The following NT5DC1 variants were observed in gnomAD, a reference collection of about 807,000 sequenced individuals.
NT5DC1 encodes 5'-nucleotidase domain containing 1.
Under a neutral mutation model 59.4 loss-of-function variants are expected in NT5DC1, and 42 were observed. That is an observed-to-expected ratio of 0.71 (90% CI 0.55 to 0.92). NT5DC1 has a LOEUF of 0.92. Ranked by LOEUF, NT5DC1 falls within the 40% of genes least tolerant of loss-of-function variation. The pLI, the probability that NT5DC1 is intolerant of heterozygous loss-of-function variation, is 0.00. For synonymous variants in NT5DC1, 172 were observed against 188.1 expected, an observed-to-expected ratio of 0.91 and a Z score of 0.70; for missense variants, 501 against 537.1, an observed-to-expected ratio of 0.93 and a Z score of 0.66.
chr6:116,200,662 A>T (rs1266347475), intron 6 of NT5DC1, among the ~76,000 whole-genome samples: 1 of 152,020 alleles, frequency 6.6e-6, no homozygotes, highest in African/African-American at 2.4e-5. Context: ...CTTAGTTTTA[A>T]AAGTCTATTC....
intron 6 of NT5DC1, among the ~76,000 whole-genome samples, chr6:116,158,199 G>C (rs1780245986): frequency 6.6e-6 from 1 of 151,952 alleles, no homozygotes; most frequent in East Asian, 1.9e-4. Flanking sequence ...TGTCATTGTT[G>C]GGAGATGTTT....
chr6:116,138,489 T>C (rs532288399), intron 6 of NT5DC1, among the ~76,000 whole-genome samples: 4 of 152,292 alleles, frequency 2.6e-5, no homozygotes, highest in Admixed American at 6.5e-5. Context: ...GAAAGAGCTA[T>C]GTTGTTTCAG....
chr6:116,179,467 T>C (rs939308115), intron 6 of NT5DC1, among the ~76,000 whole-genome samples: 1 of 151,986 alleles, frequency 6.6e-6, no homozygotes, highest in African/African-American at 2.4e-5. Flanking sequence ...TATCAAAAAG[T>C]AGGCTAAGAA....
intron 3 of NT5DC1, among the ~76,000 whole-genome samples, chr6:116,108,846 C>T (rs1778812995): frequency 6.6e-6 from 1 of 151,886 alleles, no homozygotes; most frequent in African/African-American, 2.4e-5. Flanking sequence ...CTATACCCAC[C>T]ACCCTCTCTT....
chr6:116,101,093 G>C (rs1778637058), intron 1 of NT5DC1, 70 bp downstream of exon 1: 4 of 1,190,686 alleles, frequency 3.4e-6, no homozygotes, highest in Non-Finnish European at 2.4e-6. Context: ...GTTTCCTCCA[G>C]GTTTGGGCAA....
chr6:116,125,497 T>G (rs1250939683), intron 6 of NT5DC1: 1 of 1,613,506 alleles, frequency 6.2e-7, no homozygotes, highest in South Asian at 1.1e-5. Context: ...CAGCATATTC[T>G]CAGATGGATT....
rs62414119 is a variant in NT5DC1 at position 116,102,289 on chromosome 6, C to T, written c.93+1266C>T. On this transcript the variant is annotated intron_variant, in intron 1 of 11. Coordinates refer to ENST00000319550, the MANE Select transcript of NT5DC1 (RefSeq NM_152729.3). ...AAAAAGAGTGGCTGCCCGAATTTCT[C>T]GTGTGTTTTCTATGCCCAGATGCTA... Among the ~76,000 whole-genome samples the T allele has an allele frequency of 6.9e-3, 1,053 of 152,322 alleles. 8 individuals are homozygous for T. Among genetic ancestry groups the T allele is most frequent in the Admixed American group, 0.01 (159 of 15,300 alleles).
At chr6:116,121,752 G>T in intron 6 of NT5DC1, 1 of 1,613,828 alleles carries the variant, frequency 6.2e-7, no homozygotes, top group Non-Finnish European at 8.5e-7. Context: ...GGTCCATATG[G>T]TCCTCTCTCT....
In NT5DC1 at chr6:116,117,663, AAAAC is replaced by A. The variant is rs552821756; in HGVS notation, c.445-195_445-192del. On this transcript the variant is annotated intron_variant, in intron 5 of 11. Coordinates refer to ENST00000319550, the MANE Select transcript of NT5DC1 (RefSeq NM_152729.3). The stretch of plus-strand genomic sequence containing the variant: ...TTATTGAATACTGTACTGAAAGTGA[AAAAC>A]AATTGTTGTATGGGTACTTGAAGTT... 3.0e-3 allele frequency among the ~76,000 whole-genome samples: 458 copies of A among 152,332 alleles called. 2 individuals are homozygous for A. The highest frequency in any genetic ancestry group is 0.01 in the African/African-American group (432 of 41,570).
chr6:116,229,723 A>G (rs1348650163), intron 8 of NT5DC1, among the ~76,000 whole-genome samples: 5 of 152,180 alleles, frequency 3.3e-5, no homozygotes, highest in African/African-American at 4.8e-5. Context: ...CAGTGTCGCC[A>G]ATGCTGCTAG....
intron 6 of NT5DC1, among the ~76,000 whole-genome samples, chr6:116,178,110 C>CGTGTGT (rs368898636): frequency 3.4e-5 from 4 of 117,446 alleles, no homozygotes; most frequent in African/African-American, 1.3e-4. Context: ...CGCGTGCGTG[C>CGTGTGT]GTGTGTGTGT....
intron 6 of NT5DC1, among the ~76,000 whole-genome samples, chr6:116,157,436 A>T (rs186028813): frequency 2.9e-4 from 44 of 152,336 alleles, no homozygotes; most frequent in African/African-American, 9.6e-4. Flanking sequence ...GACAGGTTCA[A>T]AGAGTTGAAA....
At chr6:116,226,958 CA>C (rs1266835840) in intron 8 of NT5DC1, among the ~76,000 whole-genome samples, 3 of 152,050 alleles carry the variant, frequency 2.0e-5, no homozygotes, top group African/African-American at 7.2e-5. Context: ...TATTACCTCA[CA>C]TTATCATTTT....
intron 6 of NT5DC1, among the ~76,000 whole-genome samples, chr6:116,210,123 G>T (rs907638132): frequency 6.6e-6 from 1 of 151,940 alleles, no homozygotes; most frequent in African/African-American, 2.4e-5. Flanking sequence ...TAATTAGAAT[G>T]CATATTGATG....
chr6:116,140,967 A>T (rs997274642), intron 6 of NT5DC1, among the ~76,000 whole-genome samples: 1 of 152,160 alleles, frequency 6.6e-6, no homozygotes, highest in Non-Finnish European at 1.5e-5. Flanking sequence ...TCTTTCTAGG[A>T]AGTATACCTA....
intron 6 of NT5DC1, among the ~76,000 whole-genome samples, chr6:116,153,172 A>C (rs1023558952): frequency 1.3e-5 from 2 of 151,948 alleles, no homozygotes; most frequent in African/African-American, 4.8e-5. Context: ...ATACAACATA[A>C]TTTTTGAGTA....
rs767957683 is a variant in NT5DC1 at position 116,239,143 on chromosome 6, T to C, written c.1252+20T>C. On this transcript the variant is annotated intron_variant, in intron 11 of 11. Transcript: ENST00000319550. ...TCGCAGGTAAGGGGGAAAATACCTA[T>C]AAAGCTTCACCTGTTACTAGACAAT... 4 of 1,572,650 alleles carry C rather than the reference T, an allele frequency of 2.5e-6. No individual in the cohort carries two copies. Among genetic ancestry groups the C allele is most frequent in the East Asian group, 2.2e-5 (1 of 44,548 alleles).
At chr6:116,242,260 G>A (rs1771752963) in intron 11 of NT5DC1, among the ~76,000 whole-genome samples, 1 of 151,700 alleles carries the variant, frequency 6.6e-6, no homozygotes, top group Admixed American at 6.6e-5. Flanking sequence ...GGGAGGCTGA[G>A]GTAGGAGAAT....
At chr6:116,183,486 G>C (rs972241325) in intron 6 of NT5DC1, among the ~76,000 whole-genome samples, 3 of 151,826 alleles carry the variant, frequency 2.0e-5, no homozygotes, top group African/African-American at 7.3e-5. Flanking sequence ...TTTAAATATG[G>C]ATATTTTGTG....
Sources: gnomAD v4.1 joint callset for allele counts (sites outside exome capture counted in the v4.1 genomes callset) on GRCh38, gnomAD v4.1.1 for gene constraint, MANE v1.5 for transcripts, NCBI Gene and HGNC (gene_info 2026-07-23, HGNC 2026-07-21) for gene names.